The following ARHGAP22 variants were observed in gnomAD, a reference collection of about 807,000 sequenced individuals.
The protein encoded by ARHGAP22 is Rho GTPase activating protein 22.
A neutral mutation model predicts 59.1 loss-of-function variants in ARHGAP22; 48 were observed. The ratio of observed to expected loss-of-function variants is 0.81; its 90% CI spans 0.64 to 1.03. ARHGAP22 has a LOEUF of 1.03. Ranked by LOEUF, ARHGAP22 falls within the 50% of genes least tolerant of loss-of-function variation. The pLI is 0.00. For synonymous variants in ARHGAP22, 445 were observed against 416.4 expected, an observed-to-expected ratio of 1.07 and a Z score of -0.84; for missense variants, 1,015 against 958.7, an observed-to-expected ratio of 1.06 and a Z score of -0.78.
chr10:48,504,780 G>A (rs910929322), intron 3 of ARHGAP22, among the ~76,000 whole-genome samples: 5 of 152,182 alleles, frequency 3.3e-5, no homozygotes, highest in African/African-American at 1.2e-4. Flanking sequence ...GGCCACATGG[G>A]CTGGGATGCA....
At chr10:48,618,179 A>G (rs1565007155) in intron 1 of ARHGAP22, among the ~76,000 whole-genome samples, 3 of 152,110 alleles carry the variant, frequency 2.0e-5, no homozygotes, top group Admixed American at 6.5e-5. Context: ...GAACAGACCA[A>G]TTATGAGTAA....
At chr10:48,573,819 C>A (rs1388211856) in intron 2 of ARHGAP22, among the ~76,000 whole-genome samples, 7 of 152,186 alleles carry the variant, frequency 4.6e-5, no homozygotes, top group Non-Finnish European at 8.8e-5. Flanking sequence ...AAATCTATAG[C>A]TAGTAGGTGG....
At chr10:48,434,990 T>G in the ARHGAP22 span, 1 of 1,605,896 alleles carries the variant, frequency 6.2e-7, no homozygotes, top group Non-Finnish European at 8.5e-7. Flanking sequence ...CAGACAGCAG[T>G]CTAGAAGCAG....
intron 1 of ARHGAP22, among the ~76,000 whole-genome samples, chr10:48,615,785 G>A (rs978243264): frequency 5.3e-5 from 8 of 152,020 alleles, no homozygotes; most frequent in African/African-American, 1.7e-4. Flanking sequence ...ACTGAACTTC[G>A]ATACAGAGAA....
chr10:48,524,526 G>T (rs1453688187), intron 3 of ARHGAP22, among the ~76,000 whole-genome samples: 4 of 152,028 alleles, frequency 2.6e-5, no homozygotes, highest in Admixed American at 2.6e-4. Flanking sequence ...AGGGGTGGGG[G>T]GCCACACCGG....
chr10:48,503,718 C>T (rs2051778384), intron 3 of ARHGAP22, among the ~76,000 whole-genome samples: 1 of 152,254 alleles, frequency 6.6e-6, no homozygotes, highest in African/African-American at 2.4e-5. Context: ...CATCGATGTC[C>T]CCTCCTCAGC....
intron 3 of ARHGAP22, among the ~76,000 whole-genome samples, chr10:48,518,781 G>C (rs1206903889): frequency 6.6e-6 from 1 of 152,250 alleles, no homozygotes; most frequent in African/African-American, 2.4e-5. Flanking sequence ...GGGAGGCCTT[G>C]TTGGGAGAGG....
At chr10:48,495,716 T>C (rs2050854525) in intron 3 of ARHGAP22, among the ~76,000 whole-genome samples, 1 of 152,232 alleles carries the variant, frequency 6.6e-6, no homozygotes, top group Non-Finnish European at 1.5e-5. Context: ...TTTTAATGAA[T>C]AGAATGTGGC....
At chr10:48,569,588 G>A (rs2014513) in intron 2 of ARHGAP22, among the ~76,000 whole-genome samples, 3 of 151,952 alleles carry the variant, frequency 2.0e-5, no homozygotes, top group Admixed American at 6.5e-5. Flanking sequence ...AGTTTTCTAC[G>A]TATTACTGTA....
At chr10:48,469,014 G>A (rs992703205) in intron 4 of ARHGAP22, among the ~76,000 whole-genome samples, 1 of 152,208 alleles carries the variant, frequency 6.6e-6, no homozygotes, top group Non-Finnish European at 1.5e-5. Context: ...AAGAGCAGGG[G>A]CCAAGGGCTC....
chr10:48,555,675 G>A, intron 2 of ARHGAP22, 125 bp from the exon 3 acceptor site: 1 of 851,078 alleles, frequency 1.2e-6, no homozygotes. Flanking sequence ...GGGAAGGCTG[G>A]GCCTCAGAGA....
At chr10:48,440,897 A>G in the ARHGAP22 span, among the ~76,000 whole-genome samples, 1 of 152,180 alleles carries the variant, frequency 6.6e-6, no homozygotes, top group Non-Finnish European at 1.5e-5. Flanking sequence ...ACTCATTTAG[A>G]TGTATTGCCA....
chr10:48,464,207 A>T (rs976032307), intron 4 of ARHGAP22, among the ~76,000 whole-genome samples: 1 of 152,142 alleles, frequency 6.6e-6, no homozygotes, highest in African/African-American at 2.4e-5. Flanking sequence ...CATCGTCCTC[A>T]GGATAAAGCC....
chr10:48,434,748 A>T, the ARHGAP22 span: 1 of 587,072 alleles, frequency 1.7e-6, no homozygotes, highest in South Asian at 3.1e-5. Flanking sequence ...TGTGTTGGAT[A>T]TCATTTGCGA....
intron 1 of ARHGAP22, among the ~76,000 whole-genome samples, chr10:48,648,569 C>T (rs1298013638): frequency 6.6e-6 from 1 of 152,166 alleles, no homozygotes; most frequent in African/African-American, 2.4e-5. Context: ...CCCAGGTGAC[C>T]CGGTGGTTGT....
At chr10:48,508,136 C>T (rs1457451091) in intron 3 of ARHGAP22, among the ~76,000 whole-genome samples, 1 of 152,262 alleles carries the variant, frequency 6.6e-6, no homozygotes, top group East Asian at 1.9e-4. Flanking sequence ...CATGGTAATG[C>T]TTTGAGAATC....
chr10:48,565,308 G>A (rs922470563), intron 2 of ARHGAP22, among the ~76,000 whole-genome samples: 1 of 152,184 alleles, frequency 6.6e-6, no homozygotes, highest in African/African-American at 2.4e-5. Context: ...ATGGAGCTGG[G>A]CTGTAGCAGG....
chr10:48,503,046 C>T (rs2051697287), intron 3 of ARHGAP22, among the ~76,000 whole-genome samples: 1 of 152,244 alleles, frequency 6.6e-6, no homozygotes, highest in Admixed American at 6.5e-5. Context: ...ACGAGGCCCC[C>T]TCGTCTCCTG....
At chr10:48,431,465 A>C in the ARHGAP22 span, among the ~76,000 whole-genome samples, 2 of 152,198 alleles carry the variant, frequency 1.3e-5, no homozygotes, top group African/African-American at 2.4e-5. Context: ...CATAAGATGC[A>C]CATCTTTTTC....
Sources: allele counts gnomAD v4.1 joint callset (sites outside exome capture counted in the v4.1 genomes callset), GRCh38; gene constraint gnomAD v4.1.1; transcripts MANE v1.5; gene names NCBI Gene and HGNC (gene_info 2026-07-23, HGNC 2026-07-21).